Variants in ANKRD62 observed in about 807,000 individuals in gnomAD.
The protein encoded by ANKRD62 is ankyrin repeat domain-containing protein 62.
ANKRD62 carries 61 observed loss-of-function variants against 98.8 expected under a neutral mutation model. The ratio of observed to expected loss-of-function variants is 0.62; its 90% CI spans 0.50 to 0.76. The LOEUF (loss-of-function observed/expected upper bound fraction) is 0.76. Ranked by LOEUF, ANKRD62 falls within the 30% of genes least tolerant of loss-of-function variation. ANKRD62 has a pLI of 0.00. For synonymous variants in ANKRD62, 341 were observed against 367.9 expected, an observed-to-expected ratio of 0.93 and a Z score of 0.84; for missense variants, 933 against 1,082.9, an observed-to-expected ratio of 0.86 and a Z score of 1.94.
At chr18:12,175,563 A>G in the ANKRD62 span, among the ~76,000 whole-genome samples, 63,691 of 151,596 alleles carry the variant, frequency 0.42, 14,377 homozygotes, top group East Asian at 0.77. Context: ...GTGCTTTGCC[A>G]TGGGGGCCTC....
intron 6 of ANKRD62, chr18:12,102,029 C>A: frequency 1.4e-6 from 2 of 1,387,596 alleles, no homozygotes; most frequent in Non-Finnish European, 2.1e-6. Context: ...TTGCAGATGC[C>A]CACATCATGG....
chr18:12,127,066 A>G (rs555600293), intron 13 of ANKRD62, among the ~76,000 whole-genome samples: 137 of 152,326 alleles, frequency 9.0e-4, no homozygotes, highest in Non-Finnish European at 1.6e-3. Context: ...ACTTACTTTC[A>G]ATTTTTCAGT....
the ANKRD62 span, among the ~76,000 whole-genome samples, chr18:12,170,740 T>A: frequency 3.3e-5 from 5 of 152,180 alleles, no homozygotes; most frequent in Admixed American, 6.5e-5. Flanking sequence ...TGTTAAAGTC[T>A]CCCATTATTA....
the ANKRD62 span, among the ~76,000 whole-genome samples, chr18:12,155,212 TAAC>T: frequency 6.6e-6 from 1 of 152,144 alleles, no homozygotes; most frequent in Non-Finnish European, 1.5e-5. Context: ...TATTTTCCCA[TAAC>T]AATTTTTATT....
chr18:12,176,253 T>C, the ANKRD62 span, among the ~76,000 whole-genome samples: 1 of 151,116 alleles, frequency 6.6e-6, no homozygotes, highest in Non-Finnish European at 1.5e-5. Context: ...CAAGGTGTCC[T>C]CCAGAGCATG....
At chr18:12,102,857 G>T (rs987928393) in intron 6 of ANKRD62, 2 of 818,822 alleles carry the variant, frequency 2.4e-6, no homozygotes, top group Non-Finnish European at 3.0e-6. Context: ...TTCAAATTTT[G>T]TTTTTCTGAT....
At chr18:12,116,438 G>A (rs987210404) in intron 10 of ANKRD62, among the ~76,000 whole-genome samples, 4 of 152,268 alleles carry the variant, frequency 2.6e-5, no homozygotes, top group Admixed American at 2.6e-4. Context: ...TTTGTTTCAT[G>A]CACAAAATTA....
the ANKRD62 span, among the ~76,000 whole-genome samples, chr18:12,170,840 A>G: frequency 6.6e-6 from 1 of 152,152 alleles, no homozygotes; most frequent in Non-Finnish European, 1.5e-5. Flanking sequence ...TATATTTAGA[A>G]TAGTTAGCTC....
chr18:12,139,584 T>G, the ANKRD62 span, among the ~76,000 whole-genome samples: 1 of 151,812 alleles, frequency 6.6e-6, no homozygotes, highest in African/African-American at 2.4e-5. Flanking sequence ...AGGCAGAGCT[T>G]GCAGTGAGCC....
chr18:12,097,855 A>G, intron 5 of ANKRD62, 78 bp downstream of exon 5: 1 of 1,473,402 alleles, frequency 6.8e-7, no homozygotes, highest in Non-Finnish European at 9.1e-7. Flanking sequence ...ATATCAAGTG[A>G]GATTTCATAG....
chr18:12,127,853 G>T lies in ANKRD62; in HGVS notation c.2668G>T (p.Asp890Tyr). The T allele has an allele frequency of 6.6e-7, 1 of 1,525,876 alleles. No individual in the cohort carries two copies. 94.5% of individuals were successfully genotyped at this position (1,525,876 alleles called of 1,614,324 possible). A position where few individuals can be genotyped will look rare whatever the true frequency, so the allele number is the denominator to read the frequency against. ...ATCAGAACGTCGTATTAATTTAGAA[G>T]ATGAGGCACAAAGTTTAAAAAAGAA... is the stretch of plus-strand genomic sequence containing the variant. ...ISSERRINLE[D>Y]EAQSLKKKLG... Residue 890 changes from aspartate to tyrosine, a missense_variant, in exon 14 of 14, where the codon GAT becomes TAT. Physicochemically the swap from Asp to Tyr is radical, Grantham distance 160 (BLOSUM62 -3). Around this residue, in one of 3 missense-constraint regions of ANKRD62, gnomAD observed 362 missense variants for 434.5 expected, o/e 0.83. Transcript: ENST00000587848.
At chr18:12,096,830 A>G (rs1909192576) in intron 4 of ANKRD62, among the ~76,000 whole-genome samples, 1 of 152,152 alleles carries the variant, frequency 6.6e-6, no homozygotes, top group African/African-American at 2.4e-5. Flanking sequence ...ATTAATTGCT[A>G]TTGCCAGATA....
the ANKRD62 span, among the ~76,000 whole-genome samples, chr18:12,161,123 A>C: frequency 6.6e-6 from 1 of 152,188 alleles, no homozygotes; most frequent in Non-Finnish European, 1.5e-5. Context: ...GGCAGTCCTC[A>C]AACTGAAATC....
At chr18:12,120,457 T>C (rs1909760380) in intron 10 of ANKRD62, among the ~76,000 whole-genome samples, 1 of 152,226 alleles carries the variant, frequency 6.6e-6, no homozygotes, top group Admixed American at 6.5e-5. Flanking sequence ...CCATTTCTTC[T>C]CAGTAGTCTT....
chr18:12,175,236 G>A, the ANKRD62 span, among the ~76,000 whole-genome samples: 2 of 152,346 alleles, frequency 1.3e-5, no homozygotes, highest in South Asian at 2.1e-4. Flanking sequence ...CAGGGCAGGA[G>A]AGGATCTGCT....
intron 10 of ANKRD62, among the ~76,000 whole-genome samples, chr18:12,117,683 A>G (rs1909693829): frequency 6.6e-6 from 1 of 152,180 alleles, no homozygotes; most frequent in East Asian, 1.9e-4. Flanking sequence ...ATCAGCAATG[A>G]GTGTTGAATT....
rs577139725 is a variant in ANKRD62, at chr18:12,114,609, A to T, written c.1065-479A>T. Among the ~76,000 whole-genome samples the T allele has an allele frequency of 1.8e-4, 28 of 152,304 alleles. 1 individual carries two copies. In the South Asian group the frequency reaches 5.8e-3, roughly 32 times the overall value. On this transcript the variant is annotated intron_variant, in intron 8 of 13. Coordinates refer to ENST00000587848, the MANE Select transcript of ANKRD62 (RefSeq NM_001277333.2). ...GGGAGGATTTAAATGACTTAAATAC[A>T]TGTACAGTGTTTAGAATAGTGCACA...
the ANKRD62 span, among the ~76,000 whole-genome samples, chr18:12,141,472 G>A: frequency 9.9e-5 from 15 of 152,006 alleles, no homozygotes; most frequent in African/African-American, 3.1e-4. Context: ...CTTGTATTGT[G>A]TTACTCAACT....
chr18:12,109,963 A>G (rs1598733535), intron 8 of ANKRD62, among the ~76,000 whole-genome samples: 1 of 151,966 alleles, frequency 6.6e-6, no homozygotes, highest in East Asian at 1.9e-4. Context: ...AAAAAAAAAA[A>G]AAAAAAAACA....
Sources: allele counts gnomAD v4.1 joint callset (sites outside exome capture counted in the v4.1 genomes callset), GRCh38; gene constraint gnomAD v4.1.1; regional missense constraint gnomAD v4.1.1; transcripts MANE v1.5; gene names NCBI Gene and HGNC (gene_info 2026-07-23, HGNC 2026-07-21).